The following NDUFA10 variants were observed in gnomAD, a reference collection of about 807,000 sequenced individuals.
NDUFA10 encodes NADH:ubiquinone oxidoreductase subunit A10.
Under a neutral mutation model 47.8 loss-of-function variants are expected in NDUFA10, and 40 were observed. The ratio of observed to expected loss-of-function variants is 0.84; its 90% CI spans 0.65 to 1.09. The LOEUF is 1.09. NDUFA10 is among the 50% of genes least tolerant of loss of function. The pLI is 0.00. For missense variants in NDUFA10, 413 were observed against 451.1 expected (o/e 0.92, Z 0.76); for synonymous variants, 183 against 172.2 (o/e 1.06, Z -0.49).
At chr2:239,982,989 CT>C (rs1286132504) in intron 9 of NDUFA10, among the ~76,000 whole-genome samples, 1 of 152,182 alleles carries the variant, frequency 6.6e-6, no homozygotes, top group East Asian at 1.9e-4. Flanking sequence ...CCTCCTACTC[CT>C]GGGGAAGGCC....
At chr2:239,976,305 T>C (rs1695517022) in intron 9 of NDUFA10, among the ~76,000 whole-genome samples, 1 of 152,126 alleles carries the variant, frequency 6.6e-6, no homozygotes, top group Non-Finnish European at 1.5e-5. Context: ...CCCTGTGCGA[T>C]CTCGCCCCAC....
Position 239,995,490 on chromosome 2 carries a change from G to C in NDUFA10, c.891-5308C>G, listed in dbSNP as rs140053294. Among the ~76,000 whole-genome samples, 408 of 152,232 alleles carry C rather than the reference G, an allele frequency of 2.7e-3. 1 individual carries two copies. Among genetic ancestry groups the C allele is most frequent in the Middle Eastern group, 6.8e-3 (2 of 294 alleles). On this transcript the variant is annotated intron_variant, in intron 8 of 9. Coordinates refer to ENST00000252711, the MANE Select transcript of NDUFA10 (RefSeq NM_004544.4). ...CAAGATGTTAAGGGAAAAGATAAAA[G>C]AGAATCTTATAAAATGCTCAATGAA...
chr2:239,927,926 G>T (rs1406234535), intron 4 of NDUFA10, among the ~76,000 whole-genome samples: 4 of 152,232 alleles, frequency 2.6e-5, no homozygotes, highest in African/African-American at 9.6e-5. Context: ...CAATACGGTG[G>T]CTGTGGGGGT....
chr2:239,929,905 TCCTGCTCCTCCACTGCC>T (rs1478561339), intron 4 of NDUFA10, among the ~76,000 whole-genome samples: 90 of 29,530 alleles, frequency 3.0e-3, no homozygotes, highest in African/African-American at 8.1e-3. Context: ...CCTCCACCAG[TCCTGCTCCTCCACTGCC>T]CCTGCTCCTC....
intron 7 of NDUFA10, 59 bp from the exon 8 acceptor site, chr2:240,005,354 A>G (rs1188262236): frequency 6.9e-6 from 10 of 1,449,194 alleles, no homozygotes; most frequent in Non-Finnish European, 9.7e-6. Flanking sequence ...TTTAAATGAA[A>G]TAACTTTTTT....
At chr2:239,961,621 T>C (rs1401958850) in intron 9 of NDUFA10, among the ~76,000 whole-genome samples, 1 of 152,098 alleles carries the variant, frequency 6.6e-6, no homozygotes, top group African/African-American at 2.4e-5. Flanking sequence ...CCGCGTGAAA[T>C]TCCCTCTGAA....
chr2:239,991,828 C>G (rs1471924197), intron 8 of NDUFA10, among the ~76,000 whole-genome samples: 1 of 152,060 alleles, frequency 6.6e-6, no homozygotes, highest in Non-Finnish European at 1.5e-5. Context: ...TTTGAAAAAC[C>G]TAAGAAAATG....
intron 4 of NDUFA10, among the ~76,000 whole-genome samples, chr2:239,922,918 C>T (rs1694012670): frequency 6.6e-6 from 1 of 152,226 alleles, no homozygotes; most frequent in Non-Finnish European, 1.5e-5. Flanking sequence ...AACCAAGGAG[C>T]AACTGGCATT....
At chr2:239,932,229 A>G (rs1694187419) in intron 4 of NDUFA10, among the ~76,000 whole-genome samples, 1 of 152,148 alleles carries the variant, frequency 6.6e-6, no homozygotes, top group South Asian at 2.1e-4. Context: ...CAAAAACCCA[A>G]ATACCCTTTT....
intron 4 of NDUFA10, among the ~76,000 whole-genome samples, chr2:239,920,156 A>T (rs529831062): frequency 1.3e-5 from 2 of 152,186 alleles, no homozygotes; most frequent in African/African-American, 4.8e-5. Flanking sequence ...CCATGATGGG[A>T]CTGGGACAGC....
chr2:239,993,693 C>G (rs1011956767), intron 8 of NDUFA10, among the ~76,000 whole-genome samples: 4 of 152,086 alleles, frequency 2.6e-5, no homozygotes, highest in Non-Finnish European at 4.4e-5. Flanking sequence ...GAGCAGAGAC[C>G]AAGAACCAGG....
At chr2:239,917,337 T>C (rs1217398758) in intron 4 of NDUFA10, among the ~76,000 whole-genome samples, 1 of 152,222 alleles carries the variant, frequency 6.6e-6, no homozygotes, top group African/African-American at 2.4e-5. Context: ...GAATGTGCTC[T>C]GAAGACTCTC....
chr2:239,895,425 G>A (rs1048302903), intron 4 of NDUFA10: 3 of 216,876 alleles, frequency 1.4e-5, no homozygotes, highest in South Asian at 5.7e-5. Flanking sequence ...CTGAAGCCAG[G>A]GCAGCAACTT....
intron 8 of NDUFA10, among the ~76,000 whole-genome samples, chr2:239,999,555 C>T (rs1413032912): frequency 6.6e-6 from 1 of 152,224 alleles, no homozygotes; most frequent in Non-Finnish European, 1.5e-5. Flanking sequence ...GACTCCAAAA[C>T]CCAGTGCCCC....
chr2:239,953,332 G>A (rs1001896103), downstream of NDUFA10, among the ~76,000 whole-genome samples: 5 of 152,208 alleles, frequency 3.3e-5, no homozygotes, highest in African/African-American at 1.2e-4. Flanking sequence ...GAGCCTGCAG[G>A]AGGGACCAGC....
At chr2:239,904,620 G>A (rs955128074) in intron 4 of NDUFA10, among the ~76,000 whole-genome samples, 6 of 152,178 alleles carry the variant, frequency 3.9e-5, no homozygotes, top group Non-Finnish European at 7.4e-5. Flanking sequence ...TTGAGAAGGC[G>A]CCCTAGAGAC....
chr2:240,002,330 CAAAAAAAAAAAAAAAAAAA>C (rs61475593), intron 8 of NDUFA10, among the ~76,000 whole-genome samples: 36 of 83,760 alleles, frequency 4.3e-4, no homozygotes, highest in Middle Eastern at 6.8e-3. Flanking sequence ...AACTCTGACT[CAAAAAAAAAAAAAAAAAAA>C]AAAAAAAGAC....
chr2:239,893,247 TG>T, intron 5 of NDUFA10, among the ~76,000 whole-genome samples: 1 of 152,196 alleles, frequency 6.6e-6, no homozygotes, highest in African/African-American at 2.4e-5. Context: ...AGTAGAGAAC[TG>T]GATCATGATC....
intron 4 of NDUFA10, among the ~76,000 whole-genome samples, chr2:239,933,474 T>G (rs1694211153): frequency 6.6e-6 from 1 of 151,242 alleles, no homozygotes; most frequent in African/African-American, 2.4e-5. Context: ...TGCTGTAGGC[T>G]GGGACAGCCA....
Sources: allele counts gnomAD v4.1 joint callset (sites outside exome capture counted in the v4.1 genomes callset), GRCh38; gene constraint gnomAD v4.1.1; transcripts MANE v1.5; gene names NCBI Gene and HGNC (gene_info 2026-07-23, HGNC 2026-07-21).